PAPLN: variants seen among roughly 807,000 people sequenced by gnomAD.
The protein encoded by PAPLN is papilin.
Under a neutral mutation model 159.0 loss-of-function variants are expected in PAPLN, and 146 were observed. The observed-to-expected ratio is 0.92, with a 90% CI of 0.80 to 1.05. PAPLN has a LOEUF of 1.05. PAPLN is among the 50% of genes least tolerant of loss of function. PAPLN has a pLI of 0.00. For synonymous variants in PAPLN, 734 were observed against 702.9 expected (o/e 1.04, Z -0.70); for missense variants, 1,720 against 1,743.9 (o/e 0.99, Z 0.24).
Position 73,259,385 on chromosome 14 carries a change from G to T in PAPLN, c.1825G>T (p.Ala609Ser), listed in dbSNP as rs533204134. The T allele has an allele frequency of 2.5e-6, 4 of 1,612,040 alleles. No homozygotes were observed. Among genetic ancestry groups the T allele is most frequent in the Non-Finnish European group, 2.5e-6 (3 of 1,179,206 alleles). ...CACCCACCTGTCAGCCCTGGGCCCC[G>T]CTCCCTCTCTGCAGCAGCCCCCATA... is the stretch of plus-strand genomic sequence containing the variant. ...QGTHLSALGP[A>S]PSLQQPPYQQ... is the part of the protein sequence containing the mutation. The change falls in exon 16 of 27, where the codon GCT becomes TCT. Residue 609 changes from alanine (A) to serine (S), a missense_variant. Transcript: ENST00000644200.
Position 73,272,841 on chromosome 14 carries a change from C to T in PAPLN, c.*177C>T, listed in dbSNP as rs1258454117. 3.8e-6 allele frequency: 2 copies of T among 533,260 alleles called. No individual in the cohort carries two copies. Among genetic ancestry groups the T allele is most frequent in the African/African-American group, 1.9e-5 (1 of 52,232 alleles). 33.0% of individuals were successfully genotyped at this position (533,260 alleles called of 1,614,324 possible). ...CAACGGCAGCCAGTTACCAGCTTCTCTCTGTAGCCTTCAGCAGTGTTTGCA... is the reference window on the plus strand; with the variant it reads ...CAACGGCAGCCAGTTACCAGCTTCTTTCTGTAGCCTTCAGCAGTGTTTGCA... On this transcript the variant is annotated 3_prime_UTR_variant, in exon 27 of 27. Transcript: ENST00000644200.
chr14:73,246,642 C>CTTT lies in PAPLN; in HGVS notation c.334+481_334+483dup, dbSNP rs60063397. On this transcript the variant is annotated intron_variant, in intron 5 of 26. Coordinates refer to ENST00000644200, the MANE Select transcript of PAPLN (RefSeq NM_001365906.3). ...TTTTTCTTTTCCTTTTTCTTTCTTT[C>CTTT]TTTTTTTTTTTTTTTTGAGACAGGA... 4.4e-3 allele frequency among the ~76,000 whole-genome samples: 512 copies of CTTT among 116,808 alleles called. 12 individuals are homozygous for CTTT. The highest frequency in any genetic ancestry group is 0.013 in the African/African-American group (412 of 31,228). 76.6% of individuals were successfully genotyped at this position (116,808 alleles called of 152,430 possible).
intron 1 of PAPLN, among the ~76,000 whole-genome samples, chr14:73,239,242 T>C (rs1883282710): frequency 1.3e-5 from 2 of 152,258 alleles, no homozygotes; most frequent in South Asian, 4.1e-4. Context: ...ACGTTGGTTA[T>C]GGAGGCTGCT....
At chr14:73,239,555 G>A in intron 1 of PAPLN, 1 of 708,588 alleles carries the variant, frequency 1.4e-6, no homozygotes, top group Non-Finnish European at 2.1e-6. Context: ...TCTGCCAGTT[G>A]CGGATGGGCC....
intron 21 of PAPLN, 53 bp downstream of exon 21, chr14:73,264,388 G>A: frequency 1.9e-6 from 3 of 1,581,298 alleles, no homozygotes; most frequent in South Asian, 1.2e-5. Flanking sequence ...CGAGTGGGAA[G>A]GCCAGGATGG....
Position 73,252,574 on chromosome 14 carries a change from A to G in PAPLN, c.968-75A>G, listed in dbSNP as rs1383548505. On this transcript the variant is annotated intron_variant, in intron 10 of 26. Coordinates refer to ENST00000644200, the MANE Select transcript of PAPLN (RefSeq NM_001365906.3). ...GGATGACCTGTGGGGTGAGTGCAGG[A>G]TGGCGCCTGGCCCAGGGAACGCGCT... 17 of 1,552,538 alleles carry G rather than the reference A, an allele frequency of 1.1e-5. No individual in the cohort carries two copies. The Admixed American group carries it at 2.9e-4, about 26-fold the overall frequency.
Position 73,244,764 on chromosome 14 carries a change from G to T in PAPLN, c.170+5G>T. 6.5e-7 allele frequency: 1 copy of T among 1,533,656 alleles called. No individual in the cohort carries two copies. The highest frequency in any genetic ancestry group is 1.2e-5 in the South Asian group (1 of 81,232). ...GCGCCCCTGCTACTCCCAGAGGTAGGAGAGATGAAAATGGGCCAGCTTGTT... is the reference window on the plus strand; with the variant it reads ...GCGCCCCTGCTACTCCCAGAGGTAGTAGAGATGAAAATGGGCCAGCTTGTT... On this transcript the variant is annotated splice_donor_5th_base_variant and intron_variant, in intron 3 of 26. Coordinates refer to ENST00000644200, the MANE Select transcript of PAPLN (RefSeq NM_001365906.3).
rs574676810 is a variant in PAPLN, at chr14:73,273,955, T to A, written c.*1291T>A. ...GCTCCTTACGTCGAGATGTTGGACCTTGAAGCCCTCCTGAGGCCAACATGC... is the reference window on the plus strand; with the variant it reads ...GCTCCTTACGTCGAGATGTTGGACCATGAAGCCCTCCTGAGGCCAACATGC... On this transcript the variant is annotated 3_prime_UTR_variant, in exon 27 of 27. Transcript: ENST00000644200. The A allele has an allele frequency of 6.6e-6, 1 of 152,258 alleles. No homozygotes were observed. Among genetic ancestry groups the A allele is most frequent in the Non-Finnish European group, 1.5e-5 (1 of 68,054 alleles). 9.4% of individuals were successfully genotyped at this position (152,258 alleles called of 1,614,324 possible). A position where few individuals can be genotyped will look rare whatever the true frequency, so the allele number is the denominator to read the frequency against.
At position 73,237,576 on chromosome 14, in the gene PAPLN, G is replaced by C. The variant is rs1484322586; in HGVS notation, c.-23G>C. 3 of 152,256 alleles carry C rather than the reference G, an allele frequency of 2.0e-5. No individual in the cohort carries two copies. The highest frequency in any genetic ancestry group is 2.9e-5 in the Non-Finnish European group (2 of 68,062). 9.4% of individuals were successfully genotyped at this position (152,256 alleles called of 1,614,324 possible). On this transcript the variant is annotated 5_prime_UTR_variant, in exon 1 of 27. Coordinates refer to ENST00000644200, the MANE Select transcript of PAPLN (RefSeq NM_001365906.3). Reference sequence around the variant, plus strand: ...GGAGCGGCCCTGGCTGCAGCCTCCCGGCGCCAGCGAAGACAGGTAGGGAGG... The same window carrying C: ...GGAGCGGCCCTGGCTGCAGCCTCCCCGCGCCAGCGAAGACAGGTAGGGAGG...
rs752817010 is a variant in PAPLN, at chr14:73,262,543, T to C, written c.2439T>C (p.Arg813=). The C allele has an allele frequency of 7.5e-5, 117 of 1,569,450 alleles. No individual in the cohort carries two copies. Among genetic ancestry groups the C allele is most frequent in the Non-Finnish European group, 9.9e-5 (114 of 1,156,724 alleles). Residue 813 remains arginine (R), a synonymous_variant, in exon 19 of 27, where the codon CGT becomes CGC. Coordinates refer to ENST00000644200, the MANE Select transcript of PAPLN (RefSeq NM_001365906.3). ...AGGGATCTCTCCATGGGCCCCGTCG[T>C]CCCCAGCCTGGGGCTTCTGGAAGGA... ...SCQGSLHGPR[R]PQPGASGRST...
At chr14:73,260,619 C>T (rs1886460643) in intron 16 of PAPLN, 90 bp from the exon 17 acceptor site, 1 of 1,351,246 alleles carries the variant, frequency 7.4e-7, no homozygotes, top group Non-Finnish European at 9.5e-7. Flanking sequence ...CTGTCAGCCC[C>T]CACCATGGGG....
chr14:73,254,658 T>A lies in PAPLN; in HGVS notation c.1448T>A (p.Leu483His). The A allele has an allele frequency of 2.5e-6, 4 of 1,613,962 alleles. No individual in the cohort carries two copies. The highest frequency in any genetic ancestry group is 3.4e-6 in the Non-Finnish European group (4 of 1,179,892). ...TGTGTGCATGAGGACTGCCCCCTCC[T>A]CAGTGACCAGGCCTGGCATGTTGGC... ...EPCVHEDCPL[L>H]SDQAWHVGTW... Residue 483 changes from leucine (L) to histidine (H), a missense_variant, in exon 13 of 27, where the codon CTC (leucine) becomes CAC (histidine). Coordinates refer to ENST00000644200, the MANE Select transcript of PAPLN (RefSeq NM_001365906.3).
chr14:73,239,873 G>T, intron 2 of PAPLN, 41 bp downstream of exon 2: 2 of 1,529,106 alleles, frequency 1.3e-6, no homozygotes, highest in East Asian at 2.4e-5. Flanking sequence ...GAACCTGCAG[G>T]GGAGTCGGGG....
intron 2 of PAPLN, among the ~76,000 whole-genome samples, chr14:73,240,932 A>C (rs1268825947): frequency 6.6e-6 from 1 of 151,670 alleles, no homozygotes; most frequent in Non-Finnish European, 1.5e-5. Context: ...AGCCCTGCCC[A>C]CCCCTCTGTG....
chr14:73,262,274 C>T (rs1594819526), intron 18 of PAPLN, 76 bp from the exon 19 acceptor site: 28 of 1,396,174 alleles, frequency 2.0e-5, no homozygotes, highest in Non-Finnish European at 2.5e-5. Flanking sequence ...CTTCCTGAGT[C>T]GGAGGCTGAG....
intron 16 of PAPLN, among the ~76,000 whole-genome samples, chr14:73,260,254 C>A (rs956152965): frequency 3.3e-5 from 5 of 152,218 alleles, no homozygotes; most frequent in African/African-American, 9.6e-5. Context: ...ACAGAGAGGG[C>A]GCCGGGCACC....
chr14:73,246,141 G>C lies in PAPLN; in HGVS notation c.300G>C (p.Gln100His), dbSNP rs1884269447. The part of the protein sequence containing the change: ...QCAEFDGAEF[Q>H]GRRYRWLPYY... ...CGGAGTTCGACGGAGCGGAGTTCCAGGGGCGGCGGTATCGGTGGCTGCCCT... is the reference window on the plus strand; with the variant it reads ...CGGAGTTCGACGGAGCGGAGTTCCACGGGCGGCGGTATCGGTGGCTGCCCT... Residue 100 changes from glutamine to histidine, a missense_variant, in exon 5 of 27, where the codon CAG becomes CAC. By Grantham distance (24) the Gln-to-His change is conservative. Transcript: ENST00000644200. 6.3e-7 allele frequency: 1 copy of C among 1,591,376 alleles called. No homozygotes were observed.
At position 73,265,273 on chromosome 14, in the gene PAPLN, A is replaced by ATG; in HGVS notation, c.3126-97_3126-96insTG. 1.3e-6 allele frequency: 2 copies of ATG among 1,509,328 alleles called. No homozygotes were observed. The highest frequency in any genetic ancestry group is 2.5e-5 in the South Asian group (2 of 78,616). 93.5% of individuals were successfully genotyped at this position (1,509,328 alleles called of 1,614,324 possible). On this transcript the variant is annotated intron_variant, in intron 22 of 26. Coordinates refer to ENST00000644200, the MANE Select transcript of PAPLN (RefSeq NM_001365906.3). The surrounding 1 kb of genome is among the most constrained non-coding windows in gnomAD (Gnocchi z 4.1). ...TTTAGGAAGCTGAATCTGGCTGGAG[A>ATG]GGGAGAAGGGGCCACCAGGCTTGTG...
chr14:73,265,429 G>A lies in PAPLN; in HGVS notation c.3185G>A (p.Arg1062Gln), dbSNP rs61745860. 1.5e-5 allele frequency: 25 copies of A among 1,613,046 alleles called. No homozygotes were observed. The highest frequency in any genetic ancestry group is 1.6e-4 in the Middle Eastern group (1 of 6,062). ...VVDASPGQRI[R>Q]MTCRAEGFPP... The stretch of plus-strand genomic sequence containing the variant: ...GATGCCAGTCCAGGCCAGCGGATCC[G>A]GATGACCTGCCGTGCCGAAGGCTTC... The change falls in exon 23 of 27, where the codon CGG (arginine) becomes CAG (glutamine). Residue 1062 changes from arginine to glutamine, a missense_variant. Arg to Gln is a conservative substitution (Grantham distance 43, BLOSUM62 1). Transcript: ENST00000644200. This position sits in a 1 kb window ranked among gnomAD's most constrained non-coding sequence, Gnocchi z 4.1.
Sources: allele counts gnomAD v4.1 joint callset (sites outside exome capture counted in the v4.1 genomes callset), GRCh38; gene constraint gnomAD v4.1.1; non-coding constraint Gnocchi (gnomAD v3.1); transcripts MANE v1.5; gene names NCBI Gene and HGNC (gene_info 2026-07-23, HGNC 2026-07-21).